The following NAA11 variants were observed in gnomAD, a reference collection of about 807,000 sequenced individuals.
NAA11 encodes N-alpha-acetyltransferase 11.
A neutral mutation model predicts 16.1 loss-of-function variants in NAA11; 15 were observed. The ratio of observed to expected loss-of-function variants is 0.93; its 90% CI spans 0.62 to 1.44. The LOEUF is 1.44. Among genes scored for constraint, NAA11 ranks in the 40% most tolerant of loss-of-function variants. NAA11 has a pLI of 0.00. For missense variants in NAA11, 298 were observed against 291.3 expected (o/e 1.02, Z -0.17); for synonymous variants, 122 against 112.4 (o/e 1.09, Z -0.54).
chr4:79,250,130 G>T lies in NAA11; in HGVS notation c.*123-23860C>A, dbSNP rs1955232. Among the ~76,000 whole-genome samples, 5 of 152,290 alleles carry T rather than the reference G, an allele frequency of 3.3e-5. No individual in the cohort carries two copies. In the South Asian group the frequency reaches 6.2e-4, roughly 19 times the overall value. ...TGCCACAGATCTTTGCAATCCACCC[G>T]CTATGAGGCCATGCCACCAGGGCCT... is the stretch of plus-strand genomic sequence containing the variant. On this transcript the variant is annotated intron_variant and NMD_transcript_variant, in intron 2 of 2. Coordinates refer to the NAA11 transcript ENST00000511542.
chr4:79,269,473 T>C (rs1199126310), intron 2 of NAA11, among the ~76,000 whole-genome samples: 1 of 148,884 alleles, frequency 6.7e-6, no homozygotes, highest in East Asian at 2.0e-4. Flanking sequence ...CATTTTTTCA[T>C]GTGTTTTTTG....
chr4:79,249,640 A>G lies in NAA11; in HGVS notation c.*123-23370T>C, dbSNP rs4443311. Among the ~76,000 whole-genome samples, 1,139 of 152,352 alleles carry G rather than the reference A, an allele frequency of 7.5e-3. 14 individuals are homozygous for G. Among genetic ancestry groups the G allele is most frequent in the African/African-American group, 0.026 (1,098 of 41,582 alleles). On this transcript the variant is annotated intron_variant and NMD_transcript_variant, in intron 2 of 2. Coordinates refer to the NAA11 transcript ENST00000511542. Reference sequence around the variant, plus strand: ...TGTAAAAATGCCAAAAGAGAGGCCTATTGGTGTCCCTGAAAGAAAGAGAAA... The same window carrying G: ...TGTAAAAATGCCAAAAGAGAGGCCTGTTGGTGTCCCTGAAAGAAAGAGAAA...
chr4:79,297,297 C>T (rs1366734895), intron 1 of NAA11, among the ~76,000 whole-genome samples: 1 of 152,194 alleles, frequency 6.6e-6, no homozygotes, highest in African/African-American at 2.4e-5. Context: ...GCTGAGCCAC[C>T]CACTGGATGG....
the NAA11 span, among the ~76,000 whole-genome samples, chr4:79,200,344 G>A: frequency 6.6e-6 from 1 of 151,846 alleles, no homozygotes; most frequent in Non-Finnish European, 1.5e-5. Flanking sequence ...TAGTGAACAA[G>A]ACGGGGTTGA....
chr4:79,203,616 ATTT>A, the NAA11 span, among the ~76,000 whole-genome samples: 1 of 146,404 alleles, frequency 6.8e-6, no homozygotes, highest in African/African-American at 2.5e-5. Context: ...CTTTTCCCTG[ATTT>A]TTTTTTTTTA....
intron 2 of NAA11, among the ~76,000 whole-genome samples, chr4:79,231,540 C>T (rs1169832576): frequency 1.3e-5 from 2 of 151,870 alleles, no homozygotes; most frequent in Non-Finnish European, 2.9e-5. Context: ...CTTTTTGAAA[C>T]TGTGCCAACT....
chr4:79,226,663 G>C (rs1721323621), intron 2 of NAA11, among the ~76,000 whole-genome samples: 1 of 146,382 alleles, frequency 6.8e-6, no homozygotes, highest in African/African-American at 2.5e-5. Context: ...CCACCTATGA[G>C]TGAGAACATG....
chr4:79,290,379 T>C (rs1239266112), intron 2 of NAA11, among the ~76,000 whole-genome samples: 1 of 152,146 alleles, frequency 6.6e-6, no homozygotes, highest in African/African-American at 2.4e-5. Flanking sequence ...GGGCCAGAAA[T>C]TGTCCTGTTG....
At chr4:79,285,707 A>C (rs2109989135) in intron 2 of NAA11, among the ~76,000 whole-genome samples, 1 of 152,192 alleles carries the variant, frequency 6.6e-6, no homozygotes, top group East Asian at 1.9e-4. Flanking sequence ...CTAAATTATT[A>C]AATGATCAAA....
the NAA11 span, among the ~76,000 whole-genome samples, chr4:79,197,945 G>A: frequency 1.3e-5 from 2 of 150,996 alleles, no homozygotes; most frequent in Non-Finnish European, 3.0e-5. Context: ...AGATAGGAAA[G>A]GTTATGCGAG....
the NAA11 span, among the ~76,000 whole-genome samples, chr4:79,185,916 G>C: frequency 6.6e-6 from 1 of 151,924 alleles, no homozygotes; most frequent in African/African-American, 2.4e-5. Context: ...CACACGAAGT[G>C]TTTGCCCACT....
intron 1 of NAA11, among the ~76,000 whole-genome samples, chr4:79,322,783 C>G (rs1035492323): frequency 3.3e-5 from 5 of 152,102 alleles, no homozygotes; most frequent in African/African-American, 9.7e-5. Context: ...GTTCTGCCGG[C>G]TTTATTTTTT....
chr4:79,305,665 G>A (rs1723556540), intron 1 of NAA11, among the ~76,000 whole-genome samples: 1 of 152,154 alleles, frequency 6.6e-6, no homozygotes, highest in South Asian at 2.1e-4. Flanking sequence ...GCAAGAAGAT[G>A]TGATCTTATC....
chr4:79,251,003 A>G (rs748930694), intron 2 of NAA11, among the ~76,000 whole-genome samples: 1 of 152,210 alleles, frequency 6.6e-6, no homozygotes, highest in Non-Finnish European at 1.5e-5. Context: ...AAAAAGAAAC[A>G]CTTATACACT....
the NAA11 span, among the ~76,000 whole-genome samples, chr4:79,213,221 A>G: frequency 6.6e-6 from 1 of 152,202 alleles, no homozygotes; most frequent in Admixed American, 6.5e-5. Context: ...AGTAGTATTA[A>G]TGAACAAAGA....
the NAA11 span, among the ~76,000 whole-genome samples, chr4:79,191,341 T>G: frequency 1.3e-5 from 2 of 151,834 alleles, no homozygotes; most frequent in Non-Finnish European, 2.9e-5. Context: ...TCTGCTGTTT[T>G]TTTTTTTTTT....
At chr4:79,281,071 C>A (rs188067680) in intron 2 of NAA11, among the ~76,000 whole-genome samples, 14 of 151,918 alleles carry the variant, frequency 9.2e-5, no homozygotes, top group African/African-American at 2.7e-4. Context: ...TGTTTCCTAG[C>A]AATTAACTCA....
chr4:79,288,651 A>G (rs1256339067), intron 2 of NAA11, among the ~76,000 whole-genome samples: 1 of 152,186 alleles, frequency 6.6e-6, no homozygotes, highest in Non-Finnish European at 1.5e-5. Context: ...GCTTGGCTTT[A>G]TAGATATCAT....
intron 2 of NAA11, among the ~76,000 whole-genome samples, chr4:79,272,267 G>A (rs977059261): frequency 3.9e-5 from 6 of 151,988 alleles, no homozygotes; most frequent in African/African-American, 1.4e-4. Context: ...CATATTTGAT[G>A]TTGTGAAAAG....
Sources: allele counts gnomAD v4.1 joint callset (sites outside exome capture counted in the v4.1 genomes callset), GRCh38; gene constraint gnomAD v4.1.1; transcripts MANE v1.5; gene names NCBI Gene and HGNC (gene_info 2026-07-23, HGNC 2026-07-21).